Variants in CNTN4 observed in about 807,000 individuals in gnomAD.
The protein encoded by CNTN4 is contactin-4.
CNTN4 carries 77 observed loss-of-function variants against 122.5 expected under a neutral mutation model. The ratio of observed to expected loss-of-function variants is 0.63; its 90% CI spans 0.52 to 0.76. The LOEUF (loss-of-function observed/expected upper bound fraction) is 0.76, where lower values mean the gene tolerates loss of function less well. CNTN4 is among the 30% of genes least tolerant of loss of function. The pLI, the probability that CNTN4 is intolerant of heterozygous loss-of-function variation, is 0.00. For synonymous variants in CNTN4, 512 were observed against 447.0 expected (o/e 1.15, Z -1.83); for missense variants, 1,256 against 1,259.1 (o/e 1.00, Z 0.04).
At chr3:2,834,961 G>A (rs1367294655) in intron 7 of CNTN4, among the ~76,000 whole-genome samples, 2 of 125,116 alleles carry the variant, frequency 1.6e-5, no homozygotes, top group Non-Finnish European at 3.2e-5. Flanking sequence ...CTGGAGTGCA[G>A]TGGGGCGATC....
intron 13 of CNTN4, among the ~76,000 whole-genome samples, chr3:2,933,649 CCTT>C (rs541683817): frequency 1.3e-3 from 194 of 152,328 alleles, no homozygotes; most frequent in African/African-American, 4.3e-3. Context: ...TCTTCTGCCT[CCTT>C]CTTCCATTTT....
At chr3:2,818,246 T>C (rs1343731397) in intron 6 of CNTN4, among the ~76,000 whole-genome samples, 1 of 152,266 alleles carries the variant, frequency 6.6e-6, no homozygotes, top group Admixed American at 6.5e-5. Context: ...AAAATGTCCC[T>C]AATTCCAGAA....
Position 3,038,013 on chromosome 3 carries a change from A to G in CNTN4, c.2092+685A>G, listed in dbSNP as rs200863172. On this transcript the variant is annotated intron_variant, in intron 18 of 24. Coordinates refer to ENST00000418658, the MANE Select transcript of CNTN4 (RefSeq NM_175607.3). ...TAGAGTTCCCGCCTGTAGAGAGGCC[A>G]GTGTGTTGAAGGAATAATAAGGTCC... 7.2e-5 allele frequency among the ~76,000 whole-genome samples: 11 copies of G among 152,196 alleles called. No individual in the cohort carries two copies. The South Asian group carries it at 1.2e-3, about 17-fold the overall frequency.
chr3:2,860,667 T>C (rs988355558), intron 7 of CNTN4, among the ~76,000 whole-genome samples: 1 of 152,202 alleles, frequency 6.6e-6, no homozygotes, highest in African/African-American at 2.4e-5. Context: ...CCTCCACTCT[T>C]GTTTCCCAAG....
At chr3:2,134,912 G>T (rs868089202) in intron 2 of CNTN4, among the ~76,000 whole-genome samples, 1 of 152,178 alleles carries the variant, frequency 6.6e-6, no homozygotes, top group Admixed American at 6.6e-5. Context: ...AGATTCAAAT[G>T]TTAACCTCAT....
rs139110872 is a variant in CNTN4, at chr3:2,429,430, C to G, written c.-89+90197C>G. ...AGAACAGCAAATGTTGCTGCCTGAT[C>G]GTTCCTCTGGAAGCTTCGTCTCAGA... is the stretch of plus-strand genomic sequence containing the variant. On this transcript the variant is annotated intron_variant, in intron 3 of 24. Coordinates refer to ENST00000418658, the MANE Select transcript of CNTN4 (RefSeq NM_175607.3). Among the ~76,000 whole-genome samples the G allele has an allele frequency of 1.6e-3, 247 of 152,288 alleles. 1 individual carries two copies. The highest frequency in any genetic ancestry group is 5.8e-3 in the African/African-American group (239 of 41,554).
At chr3:2,366,150 T>C (rs1575471067) in intron 3 of CNTN4, among the ~76,000 whole-genome samples, 1 of 152,210 alleles carries the variant, frequency 6.6e-6, no homozygotes, top group East Asian at 1.9e-4. Flanking sequence ...CTTTCTCTAC[T>C]GGCAGCCTAT....
rs2091699587 is a variant in CNTN4 at position 2,783,741 on chromosome 3, A to T, written c.359-35745A>T. On this transcript the variant is annotated intron_variant, in intron 6 of 24. Coordinates refer to ENST00000418658, the MANE Select transcript of CNTN4 (RefSeq NM_175607.3). Reference sequence around the variant, plus strand: ...CAGCATTTGAACTCAAGACTATAGAAGAGTTGTAACGTAAAGACGAATCCA... The same window carrying T: ...CAGCATTTGAACTCAAGACTATAGATGAGTTGTAACGTAAAGACGAATCCA... Among the ~76,000 whole-genome samples, 3 of 152,234 alleles carry T rather than the reference A, an allele frequency of 2.0e-5. No individual in the cohort carries two copies. The South Asian group carries it at 6.2e-4, about 31-fold the overall frequency.
intron 2 of CNTN4, among the ~76,000 whole-genome samples, chr3:2,259,883 G>T (rs1185284414): frequency 6.6e-6 from 1 of 151,894 alleles, no homozygotes; most frequent in Non-Finnish European, 1.5e-5. Flanking sequence ...TTGTATTGTG[G>T]GAAGAGCAGA....
chr3:2,259,600 G>A (rs932189276), intron 2 of CNTN4, among the ~76,000 whole-genome samples: 2 of 152,152 alleles, frequency 1.3e-5, no homozygotes, highest in Non-Finnish European at 2.9e-5. Context: ...CATGGCTGCA[G>A]GCAAGAGAGA....
intron 3 of CNTN4, among the ~76,000 whole-genome samples, chr3:2,564,425 A>G (rs1291918745): frequency 1.3e-5 from 2 of 152,188 alleles, no homozygotes; most frequent in Non-Finnish European, 2.9e-5. Context: ...TGGGAAGATG[A>G]TATAATCCGA....
intron 6 of CNTN4, among the ~76,000 whole-genome samples, chr3:2,749,328 GTT>G (rs11381094): frequency 7.4e-6 from 1 of 135,668 alleles, no homozygotes. Flanking sequence ...GCCCAGATAA[GTT>G]TTTTTTTTTT....
intron 14 of CNTN4, among the ~76,000 whole-genome samples, chr3:3,021,623 C>T (rs1229744850): frequency 2.6e-5 from 4 of 152,128 alleles, no homozygotes; most frequent in African/African-American, 4.8e-5. Context: ...ATGGCTGAAA[C>T]ACACATTAAA....
intron 4 of CNTN4, among the ~76,000 whole-genome samples, chr3:2,652,367 A>G (rs549917387): frequency 1.6e-4 from 24 of 152,316 alleles, no homozygotes; most frequent in Non-Finnish European, 3.1e-4. Context: ...ACCAGTGGAA[A>G]GTGGTCTAAT....
chr3:2,250,815 A>G (rs2040347749), intron 2 of CNTN4, among the ~76,000 whole-genome samples: 1 of 151,888 alleles, frequency 6.6e-6, no homozygotes, highest in Non-Finnish European at 1.5e-5. Context: ...TGATCGTGGA[A>G]TCCAGAACAT....
At chr3:2,738,127 C>T (rs1238654661) in intron 5 of CNTN4, among the ~76,000 whole-genome samples, 1 of 152,110 alleles carries the variant, frequency 6.6e-6, no homozygotes, top group Non-Finnish European at 1.5e-5. Context: ...CTAATTGAAA[C>T]TTTCAAGCCG....
intron 13 of CNTN4, chr3:2,927,582 C>T (rs1200977948): frequency 5.8e-6 from 1 of 172,158 alleles, no homozygotes; most frequent in Non-Finnish European, 1.2e-5. Context: ...ACAACTGCTA[C>T]AGCTTAACCA....
Position 2,350,344 on chromosome 3 carries a change from C to T in CNTN4, c.-89+11111C>T, listed in dbSNP as rs2044561896. Among the ~76,000 whole-genome samples, 3 of 152,092 alleles carry T rather than the reference C, an allele frequency of 2.0e-5. No homozygotes were observed. In the South Asian group the frequency reaches 6.2e-4, roughly 32 times the overall value. On this transcript the variant is annotated intron_variant, in intron 3 of 24. Coordinates refer to ENST00000418658, the MANE Select transcript of CNTN4 (RefSeq NM_175607.3). ...GAGAGCAGGTGATTGGACGCAGCTG[C>T]TGAATAATCTTCTTAACCTCATCTT...
At chr3:2,581,761 A>G (rs1183547408) in intron 4 of CNTN4, among the ~76,000 whole-genome samples, 1 of 152,242 alleles carries the variant, frequency 6.6e-6, no homozygotes, top group Non-Finnish European at 1.5e-5. Flanking sequence ...AATGTCTATC[A>G]ATTGATAAAT....
Sources: gnomAD v4.1 joint callset for allele counts (sites outside exome capture counted in the v4.1 genomes callset) on GRCh38, gnomAD v4.1.1 for gene constraint, MANE v1.5 for transcripts, NCBI Gene and HGNC (gene_info 2026-07-23, HGNC 2026-07-21) for gene names.